The following KCTD16 variants were observed in gnomAD, a reference collection of about 807,000 sequenced individuals.
KCTD16 encodes potassium channel tetramerization domain containing 16, also known as BTB/POZ domain-containing protein KCTD16.
A neutral mutation model predicts 33.2 loss-of-function variants in KCTD16; 13 were observed. The ratio of observed to expected loss-of-function variants is 0.39; its 90% confidence interval spans 0.25 to 0.62. KCTD16 has a LOEUF of 0.62. KCTD16 is among the 20% of genes least tolerant of loss of function. The pLI is 0.50. For synonymous variants in KCTD16, 197 were observed against 195.3 expected, an observed-to-expected ratio of 1.01 and a Z score of -0.07; for missense variants, 441 against 525.1, an observed-to-expected ratio of 0.84 and a Z score of 1.57.
At chr5:144,462,249 G>A (rs748495207) in intron 3 of KCTD16, among the ~76,000 whole-genome samples, 11 of 151,898 alleles carry the variant, frequency 7.2e-5, no homozygotes, top group Non-Finnish European at 1.5e-4. Flanking sequence ...CTTCCCCGCC[G>A]TCACTCTCCT....
At chr5:144,341,538 C>A (rs1752645642) in intron 3 of KCTD16, among the ~76,000 whole-genome samples, 1 of 152,174 alleles carries the variant, frequency 6.6e-6, no homozygotes, top group African/African-American at 2.4e-5. Flanking sequence ...CTGCAATGAA[C>A]AGGTTTCTAT....
At chr5:144,453,176 C>G (rs139489428) in intron 3 of KCTD16, among the ~76,000 whole-genome samples, 2 of 152,062 alleles carry the variant, frequency 1.3e-5, no homozygotes, top group African/African-American at 4.8e-5. Context: ...ACATCCTTGT[C>G]CCTCCATTTT....
chr5:144,483,139 A>C lies in KCTD16; in HGVS notation c.*9025A>C, dbSNP rs551076640. 8.0e-6 allele frequency: 1 copy of C among 125,620 alleles called. No individual in the cohort carries two copies. Among genetic ancestry groups the C allele is most frequent in the Admixed American group, 7.6e-5 (1 of 13,104 alleles). 7.8% of individuals were successfully genotyped at this position (125,620 alleles called of 1,614,324 possible). ...ACATGTTTTCACACTTCTTCATTCC[A>C]AAAAAAAAAAAAAAACCAAACCAGA... On this transcript the variant is annotated 3_prime_UTR_variant, in exon 4 of 4. Transcript: ENST00000512467.
At chr5:144,228,389 A>G (rs1429529398) in intron 3 of KCTD16, among the ~76,000 whole-genome samples, 1 of 152,208 alleles carries the variant, frequency 6.6e-6, no homozygotes, top group Admixed American at 6.5e-5. Flanking sequence ...AATTGAGAGT[A>G]ATGGCTATTG....
intron 3 of KCTD16, among the ~76,000 whole-genome samples, chr5:144,334,399 A>G (rs187334819): frequency 6.6e-6 from 1 of 152,294 alleles, no homozygotes; most frequent in East Asian, 1.9e-4. Flanking sequence ...TTTATGAAGA[A>G]TACCTATCTC....
chr5:144,252,687 T>C (rs1262708918), intron 3 of KCTD16, among the ~76,000 whole-genome samples: 3 of 151,610 alleles, frequency 2.0e-5, no homozygotes, highest in Non-Finnish European at 4.4e-5. Context: ...AGGAAGATAA[T>C]GAGGCTCATG....
chr5:144,450,835 T>A (rs1199774073), intron 3 of KCTD16, among the ~76,000 whole-genome samples: 1 of 152,028 alleles, frequency 6.6e-6, no homozygotes, highest in Admixed American at 6.6e-5. Context: ...GGGTAAAAAA[T>A]TTCAGTTATG....
intron 3 of KCTD16, among the ~76,000 whole-genome samples, chr5:144,359,899 G>C (rs573894014): frequency 3.9e-5 from 6 of 151,978 alleles, no homozygotes; most frequent in African/African-American, 1.4e-4. Flanking sequence ...GCATTTTCTG[G>C]TAGAGAAGAT....
intron 3 of KCTD16, among the ~76,000 whole-genome samples, chr5:144,304,977 C>CTTTTTTTTTTTTT (rs146638360): frequency 2.4e-5 from 2 of 83,416 alleles, no homozygotes; most frequent in Non-Finnish European, 4.3e-5. Context: ...ATATCAAAAT[C>CTTTTTTTTTTTTT]TTTTTTTTTT....
rs184491443 is a variant in KCTD16 at position 144,216,119 on chromosome 5, G to A, written c.832+8573G>A. On this transcript the variant is annotated intron_variant, in intron 3 of 3. Transcript: ENST00000512467. Reference sequence around the variant, plus strand: ...AGAATACAACTTAAATTGTATATCTGATCACTGTGGAATTAGAATAACCTT... The same window carrying A: ...AGAATACAACTTAAATTGTATATCTAATCACTGTGGAATTAGAATAACCTT... Among the ~76,000 whole-genome samples, 31 of 152,300 alleles carry A rather than the reference G, an allele frequency of 2.0e-4. No individual in the cohort carries two copies. In the Middle Eastern group the frequency reaches 0.01, roughly 50 times the overall value.
intron 2 of KCTD16, among the ~76,000 whole-genome samples, chr5:144,201,486 A>G (rs377541399): frequency 6.6e-6 from 1 of 152,260 alleles, no homozygotes; most frequent in East Asian, 1.9e-4. Flanking sequence ...TTGGAGTTTA[A>G]CAACAATGAA....
chr5:144,247,684 T>C (rs576661975), intron 3 of KCTD16, among the ~76,000 whole-genome samples: 1 of 152,352 alleles, frequency 6.6e-6, no homozygotes, highest in South Asian at 2.1e-4. Flanking sequence ...TATTACCTAC[T>C]TTACAGGGTA....
intron 3 of KCTD16, among the ~76,000 whole-genome samples, chr5:144,251,251 G>T (rs1382200942): frequency 6.6e-6 from 1 of 152,180 alleles, no homozygotes; most frequent in East Asian, 1.9e-4. Context: ...GTAGTAGGGG[G>T]TGGTGTGTTG....
chr5:144,379,685 A>G (rs1332816167), intron 3 of KCTD16, among the ~76,000 whole-genome samples: 3 of 152,176 alleles, frequency 2.0e-5, no homozygotes, highest in Admixed American at 6.6e-5. Flanking sequence ...TTTAAATTAA[A>G]GTTTCACAAA....
At chr5:144,313,585 T>A (rs1056085869) in intron 3 of KCTD16, among the ~76,000 whole-genome samples, 1 of 152,214 alleles carries the variant, frequency 6.6e-6, no homozygotes, top group Non-Finnish European at 1.5e-5. Flanking sequence ...AGATTTACGA[T>A]GCTTTTTCTT....
chr5:144,273,707 T>C (rs1755364127), intron 3 of KCTD16, among the ~76,000 whole-genome samples: 1 of 150,370 alleles, frequency 6.7e-6, no homozygotes, highest in Non-Finnish European at 1.5e-5. Context: ...ATTTCACTTA[T>C]ATGAGGTACT....
At chr5:144,201,531 T>C (rs1305102921) in intron 2 of KCTD16, among the ~76,000 whole-genome samples, 1 of 152,222 alleles carries the variant, frequency 6.6e-6, no homozygotes, top group East Asian at 1.9e-4. Flanking sequence ...TGAACACTAA[T>C]GACATTTATT....
chr5:144,247,090 T>A (rs1754570629), intron 3 of KCTD16, among the ~76,000 whole-genome samples: 2 of 152,204 alleles, frequency 1.3e-5, no homozygotes, highest in Non-Finnish European at 2.9e-5. Flanking sequence ...TGGGATTATG[T>A]TTTTCAATGA....
At chr5:144,184,239 C>T (rs555343304) in intron 2 of KCTD16, among the ~76,000 whole-genome samples, 42 of 152,180 alleles carry the variant, frequency 2.8e-4, no homozygotes, top group Non-Finnish European at 4.7e-4. Context: ...AATTCTATCT[C>T]CATTAAACTT....
Sources: allele counts gnomAD v4.1 joint callset (sites outside exome capture counted in the v4.1 genomes callset), GRCh38; gene constraint gnomAD v4.1.1; transcripts MANE v1.5; gene names NCBI Gene and HGNC (gene_info 2026-07-23, HGNC 2026-07-21).